The following PTPRG variants were observed in gnomAD, a reference collection of about 807,000 sequenced individuals.
The protein encoded by PTPRG is protein tyrosine phosphatase receptor type G.
Under a neutral mutation model 165.3 loss-of-function variants are expected in PTPRG, and 102 were observed. That is an observed-to-expected ratio of 0.62 (90% CI 0.53 to 0.73). The LOEUF is 0.73. Among genes scored for constraint, PTPRG ranks in the 30% least tolerant of loss-of-function variants. PTPRG has a pLI of 0.00. For synonymous variants in PTPRG, 675 were observed against 669.5 expected, an observed-to-expected ratio of 1.01 and a Z score of -0.13; for missense variants, 1,866 against 1,861.4, an observed-to-expected ratio of 1.00 and a Z score of -0.05.
chr3:62,149,066 C>A (rs1704228446), intron 6 of PTPRG, among the ~76,000 whole-genome samples: 1 of 152,158 alleles, frequency 6.6e-6, no homozygotes, highest in Non-Finnish European at 1.5e-5. Flanking sequence ...TCCTTAAAAT[C>A]ATTTACTGTG....
chr3:61,684,184 A>C (rs1011238922), intron 1 of PTPRG, among the ~76,000 whole-genome samples: 5 of 152,152 alleles, frequency 3.3e-5, no homozygotes, highest in Non-Finnish European at 5.9e-5. Context: ...TCTGAGTAGT[A>C]AGGTGGTCAC....
At chr3:61,854,903 C>T (rs767535568) in intron 2 of PTPRG, among the ~76,000 whole-genome samples, 1 of 150,884 alleles carries the variant, frequency 6.6e-6, no homozygotes, top group Non-Finnish European at 1.5e-5. Context: ...ATTTAAGATG[C>T]CAAATTCTAT....
chr3:61,742,583 C>G (rs1434700569), intron 1 of PTPRG: 1 of 1,593,484 alleles, frequency 6.3e-7, no homozygotes, highest in Non-Finnish European at 8.5e-7. Flanking sequence ...AGCTCATCGG[C>G]TGTCATCTTC....
Position 62,040,741 on chromosome 3 carries a change from C to T in PTPRG, c.519+37244C>T, listed in dbSNP as rs969186800. Among the ~76,000 whole-genome samples, 6 of 152,296 alleles carry T rather than the reference C, an allele frequency of 3.9e-5. No individual in the cohort carries two copies. The East Asian group carries it at 7.7e-4, about 20-fold the overall frequency. ...ACAGGTGTGAGCCACCGTGCCCAGC[C>T]GAGTCCAGCTTTTAAGTGGAAAATA... is the stretch of plus-strand genomic sequence containing the variant. On this transcript the variant is annotated intron_variant, in intron 4 of 29. Transcript: ENST00000474889.
chr3:61,701,126 T>C (rs73842320), intron 1 of PTPRG, among the ~76,000 whole-genome samples: 7,339 of 152,210 alleles, frequency 0.048, 330 homozygotes, highest in African/African-American at 0.12. Context: ...AGCTGCATAT[T>C]TCTTCTTGTG....
intron 2 of PTPRG, among the ~76,000 whole-genome samples, chr3:61,916,828 G>T (rs1036476078): frequency 2.0e-5 from 3 of 152,074 alleles, no homozygotes; most frequent in African/African-American, 7.2e-5. Context: ...GTATATGGTG[G>T]CTCCATTTCC....
intron 1 of PTPRG, among the ~76,000 whole-genome samples, chr3:61,564,517 C>T (rs146234131): frequency 1.3e-5 from 2 of 152,290 alleles, no homozygotes; most frequent in East Asian, 3.9e-4. Context: ...GGTAAATAGC[C>T]CCTTTCCTGG....
intron 4 of PTPRG, among the ~76,000 whole-genome samples, chr3:62,037,962 G>T (rs899418307): frequency 6.6e-6 from 1 of 152,078 alleles, no homozygotes. Context: ...TTCAATCTAC[G>T]AATTTCAGGG....
chr3:62,203,651 A>G lies in PTPRG; in HGVS notation c.1856A>G (p.Asn619Ser). 1 of 1,561,154 alleles carries G rather than the reference A, an allele frequency of 6.4e-7. No individual in the cohort carries two copies. The highest frequency in any genetic ancestry group is 1.2e-5 in the South Asian group (1 of 84,852). Residue 619 changes from asparagine (N) to serine (S), a missense_variant, in exon 12 of 30, where the codon AAT becomes AGT. Physicochemically the swap from Asn to Ser is conservative, Grantham distance 46. Around this residue, in one of 3 missense-constraint regions of PTPRG, gnomAD observed 1,452 missense variants for 1,463.0 expected, o/e 0.99. Coordinates refer to ENST00000474889, the MANE Select transcript of PTPRG (RefSeq NM_002841.4). The surrounding 1 kb of genome is among the most constrained non-coding windows in gnomAD (Gnocchi z 6.4). ...SGVTHAAEER[N>S]QTEPSPTPSS... Reference sequence around the variant, plus strand: ...GTGACCCACGCTGCCGAGGAGCGGAATCAGACGGAGCCCAGCCCCACACCC... The same window carrying G: ...GTGACCCACGCTGCCGAGGAGCGGAGTCAGACGGAGCCCAGCCCCACACCC...
intron 1 of PTPRG, among the ~76,000 whole-genome samples, chr3:61,584,603 T>C (rs1700388562): frequency 6.6e-6 from 1 of 151,680 alleles, no homozygotes. Context: ...TTTTTCTGTC[T>C]GGTGCCCAAA....
chr3:62,162,818 C>T (rs573146243), intron 7 of PTPRG, among the ~76,000 whole-genome samples: 1 of 152,294 alleles, frequency 6.6e-6, no homozygotes, highest in South Asian at 2.1e-4. Flanking sequence ...TAGCTGAGAG[C>T]ATACAAAATA....
intron 2 of PTPRG, among the ~76,000 whole-genome samples, chr3:61,842,769 A>G (rs776253068): frequency 4.0e-4 from 61 of 152,192 alleles, no homozygotes; most frequent in Admixed American, 1.4e-3. Flanking sequence ...GACCCATAAA[A>G]TGTTCCCAGT....
intron 8 of PTPRG, among the ~76,000 whole-genome samples, chr3:62,184,437 T>C (rs1201507071): frequency 6.6e-6 from 1 of 152,208 alleles, no homozygotes; most frequent in Non-Finnish European, 1.5e-5. Flanking sequence ...TAGACCTCTT[T>C]CATATAGCCC....
intron 4 of PTPRG, among the ~76,000 whole-genome samples, chr3:62,014,670 C>T (rs11710174): frequency 0.057 from 8,619 of 152,220 alleles, 318 homozygotes; most frequent in Non-Finnish European, 0.082. Context: ...ACGCACTCCC[C>T]TTGCTATTTC....
At chr3:62,130,321 G>A (rs1425520723) in intron 5 of PTPRG, among the ~76,000 whole-genome samples, 1 of 152,184 alleles carries the variant, frequency 6.6e-6, no homozygotes, top group Non-Finnish European at 1.5e-5. Context: ...AAGAATCTGA[G>A]TGTTTTATGA....
Position 62,224,640 on chromosome 3 carries a change from A to T in PTPRG, c.2288+5657A>T, listed in dbSNP as rs1434484817. ...CTGAAAGGGAGAACTTTGGAGACCA[A>T]TCATTAGTCTGTACTTAAAATTTGG... On this transcript the variant is annotated intron_variant, in intron 13 of 29. Coordinates refer to ENST00000474889, the MANE Select transcript of PTPRG (RefSeq NM_002841.4). The surrounding 1 kb of genome is among the most constrained non-coding windows in gnomAD (Gnocchi z 4.9). Among the ~76,000 whole-genome samples, 1 of 152,226 alleles carries T rather than the reference A, an allele frequency of 6.6e-6. No individual in the cohort carries two copies. Among genetic ancestry groups the T allele is most frequent in the Non-Finnish European group, 1.5e-5 (1 of 68,036 alleles).
At chr3:61,965,876 A>T (rs2040258952) in intron 2 of PTPRG, among the ~76,000 whole-genome samples, 1 of 152,376 alleles carries the variant, frequency 6.6e-6, no homozygotes, top group South Asian at 2.1e-4. Context: ...GTCTGGTTCT[A>T]GGATTCATGG....
At position 61,964,556 on chromosome 3, in the gene PTPRG, T is replaced by C. The variant is rs186606968; in HGVS notation, c.191-25069T>C. On this transcript the variant is annotated intron_variant, in intron 2 of 29. Coordinates refer to ENST00000474889, the MANE Select transcript of PTPRG (RefSeq NM_002841.4). The stretch of plus-strand genomic sequence containing the variant: ...CAAACATAGTTGAATTCCAAATCGC[T>C]GAACTGCCCTTCACTAGAAGGGAAA... Among the ~76,000 whole-genome samples the C allele has an allele frequency of 3.9e-3, 601 of 152,308 alleles. 3 individuals carry two copies. Among genetic ancestry groups the C allele is most frequent in the Middle Eastern group, 0.014 (4 of 294 alleles).
At chr3:62,125,743 G>A (rs948310775) in intron 5 of PTPRG, among the ~76,000 whole-genome samples, 12 of 146,556 alleles carry the variant, frequency 8.2e-5, no homozygotes, top group Non-Finnish European at 1.2e-4. Flanking sequence ...AGTTTGCAAC[G>A]TAGCTTAAGA....
Sources: allele counts gnomAD v4.1 joint callset (sites outside exome capture counted in the v4.1 genomes callset), GRCh38; gene constraint gnomAD v4.1.1; regional missense constraint gnomAD v4.1.1; non-coding constraint Gnocchi (gnomAD v3.1); transcripts MANE v1.5; gene names NCBI Gene and HGNC (gene_info 2026-07-23, HGNC 2026-07-21).